KCNH7: variants seen among roughly 807,000 people sequenced by gnomAD.
The protein encoded by KCNH7 is potassium voltage-gated channel subfamily H member 7.
A neutral mutation model predicts 120.8 loss-of-function variants in KCNH7; 49 were observed. The observed-to-expected ratio is 0.41, with a 90% CI of 0.32 to 0.51. The LOEUF (loss-of-function observed/expected upper bound fraction) is 0.51. Ranked by LOEUF, KCNH7 falls within the 20% of genes least tolerant of loss-of-function variation. The pLI, the probability that KCNH7 is intolerant of heterozygous loss-of-function variation, is 0.38. For synonymous variants in KCNH7, 547 were observed against 516.1 expected, an observed-to-expected ratio of 1.06 and a Z score of -0.81; for missense variants, 1,097 against 1,446.6, an observed-to-expected ratio of 0.76 and a Z score of 3.92.
At chr2:162,488,540 CA>C (rs1290872513) in intron 6 of KCNH7, among the ~76,000 whole-genome samples, 2 of 152,042 alleles carry the variant, frequency 1.3e-5, no homozygotes, top group Non-Finnish European at 2.9e-5. Flanking sequence ...TTATCAAAAG[CA>C]GGCATCTTGT....
At chr2:162,675,753 G>A (rs1685511885) in intron 2 of KCNH7, among the ~76,000 whole-genome samples, 1 of 151,444 alleles carries the variant, frequency 6.6e-6, no homozygotes, top group Non-Finnish European at 1.5e-5. Flanking sequence ...CAGGTAGGGA[G>A]GACTACTTAA....
Position 162,781,259 on chromosome 2 carries a change from CAT to C in KCNH7, c.307+55276_307+55277del, listed in dbSNP as rs541391286. On this transcript the variant is annotated intron_variant, in intron 2 of 15. Coordinates refer to ENST00000332142, the MANE Select transcript of KCNH7 (RefSeq NM_033272.4). ...GCTCATCTCATCCCCATAAAAGCCT[CAT>C]TTGATAGCATCTATTATTATTAATT... is the stretch of plus-strand genomic sequence containing the variant. Among the ~76,000 whole-genome samples, 417 of 151,998 alleles carry C rather than the reference CAT, an allele frequency of 2.7e-3. 4 individuals are homozygous for C. The highest frequency in any genetic ancestry group is 9.3e-3 in the African/African-American group (385 of 41,506).
chr2:162,400,560 C>T (rs1687038859), intron 9 of KCNH7, 119 bp from the exon 10 acceptor site: 1 of 925,806 alleles, frequency 1.1e-6, no homozygotes, highest in East Asian at 2.5e-5. Context: ...GGAGTTCCTA[C>T]TACTCTTCTA....
chr2:162,777,959 A>T (rs960854327), intron 2 of KCNH7, among the ~76,000 whole-genome samples: 1 of 152,150 alleles, frequency 6.6e-6, no homozygotes, highest in Non-Finnish European at 1.5e-5. Flanking sequence ...TTTTTTAAAA[A>T]GGCTAACTTT....
At chr2:162,499,169 T>C (rs748868080) in intron 6 of KCNH7, among the ~76,000 whole-genome samples, 4 of 152,098 alleles carry the variant, frequency 2.6e-5, no homozygotes, top group Admixed American at 1.3e-4. Flanking sequence ...ATTGGCACAA[T>C]ATTTGAACTA....
intron 8 of KCNH7, among the ~76,000 whole-genome samples, chr2:162,425,143 G>C (rs1454021987): frequency 6.6e-6 from 1 of 152,044 alleles, no homozygotes; most frequent in Non-Finnish European, 1.5e-5. Flanking sequence ...CTTGCGCTCC[G>C]ACTCAGACTG....
intron 2 of KCNH7, among the ~76,000 whole-genome samples, chr2:162,592,876 T>G (rs1049965942): frequency 2.6e-5 from 4 of 152,120 alleles, no homozygotes; most frequent in Admixed American, 6.6e-5. Flanking sequence ...TGACATCCAC[T>G]AATCTACATC....
chr2:162,374,293 A>T (rs1004277700), intron 14 of KCNH7, among the ~76,000 whole-genome samples: 6 of 152,130 alleles, frequency 3.9e-5, no homozygotes, highest in Admixed American at 2.6e-4. Flanking sequence ...GCTTCTAATG[A>T]CCCATCTGGC....
chr2:162,660,670 G>T (rs1432384754), intron 2 of KCNH7, among the ~76,000 whole-genome samples: 1 of 152,050 alleles, frequency 6.6e-6, no homozygotes, highest in African/African-American at 2.4e-5. Flanking sequence ...TGGAATTTCT[G>T]CCTGTTAGAT....
At chr2:162,474,632 G>C (rs1044740531) in intron 6 of KCNH7, among the ~76,000 whole-genome samples, 1 of 152,224 alleles carries the variant, frequency 6.6e-6, no homozygotes, top group African/African-American at 2.4e-5. Flanking sequence ...TTGTAAAAAG[G>C]CTGTGGCTTC....
intron 2 of KCNH7, among the ~76,000 whole-genome samples, chr2:162,600,905 A>G (rs2105950964): frequency 6.6e-6 from 1 of 152,212 alleles, no homozygotes; most frequent in South Asian, 2.1e-4. Flanking sequence ...GATGCATTCT[A>G]TGCTTCATGG....
chr2:162,648,594 G>A (rs910215718), intron 2 of KCNH7, among the ~76,000 whole-genome samples: 1 of 152,024 alleles, frequency 6.6e-6, no homozygotes, highest in South Asian at 2.1e-4. Flanking sequence ...CTGTGCTTTT[G>A]CTTATGCTTT....
chr2:162,625,011 C>T (rs969940521), intron 2 of KCNH7, among the ~76,000 whole-genome samples: 1 of 151,226 alleles, frequency 6.6e-6, no homozygotes, highest in Non-Finnish European at 1.5e-5. Context: ...AATTCTCCTG[C>T]CTCAGCCTCC....
intron 2 of KCNH7, among the ~76,000 whole-genome samples, chr2:162,729,127 G>T (rs1289522213): frequency 6.7e-6 from 1 of 149,310 alleles, no homozygotes; most frequent in Non-Finnish European, 1.5e-5. Context: ...CTGTTTCATC[G>T]ATCTATATGA....
intron 2 of KCNH7, among the ~76,000 whole-genome samples, chr2:162,599,805 C>A (rs1283800868): frequency 6.6e-6 from 1 of 152,080 alleles, no homozygotes; most frequent in African/African-American, 2.4e-5. Flanking sequence ...AATTACTCTA[C>A]TTTTCTTAAT....
In KCNH7 at chr2:162,441,982, T is replaced by TTAAA. The variant is rs1429529211; in HGVS notation, c.1554+4032_1554+4035dup. On this transcript the variant is annotated intron_variant, in intron 7 of 15. Coordinates refer to ENST00000332142, the MANE Select transcript of KCNH7 (RefSeq NM_033272.4). The stretch of plus-strand genomic sequence containing the variant: ...GATTTGTAACCATGTGAGAAAAAAA[T>TTAAA]TAAATAGTTAGGTCTTCTTTTTTTT... Among the ~76,000 whole-genome samples, 5 of 129,558 alleles carry TTAAA rather than the reference T, an allele frequency of 3.9e-5. No individual in the cohort carries two copies. In the East Asian group the frequency reaches 1.0e-3, roughly 26 times the overall value. The allele number at this position is 129,558 out of a possible 152,430, so 85.0% of individuals were successfully genotyped here.
At chr2:162,747,115 A>G (rs1454076719) in intron 2 of KCNH7, among the ~76,000 whole-genome samples, 1 of 152,130 alleles carries the variant, frequency 6.6e-6, no homozygotes, top group Non-Finnish European at 1.5e-5. Context: ...TTAAACTTCA[A>G]CTCCAGACTG....
At chr2:162,782,156 T>C (rs541590665) in intron 2 of KCNH7, among the ~76,000 whole-genome samples, 3 of 152,338 alleles carry the variant, frequency 2.0e-5, no homozygotes, top group South Asian at 4.1e-4. Context: ...TCCACCCTCA[T>C]ATGCCATACA....
At chr2:162,679,297 A>G (rs1268971577) in intron 2 of KCNH7, among the ~76,000 whole-genome samples, 2 of 151,646 alleles carry the variant, frequency 1.3e-5, no homozygotes, top group Non-Finnish European at 3.0e-5. Context: ...AGAACTGTTC[A>G]ACAATTTTAA....
Sources: gnomAD v4.1 joint callset for allele counts (sites outside exome capture counted in the v4.1 genomes callset) on GRCh38, gnomAD v4.1.1 for gene constraint, MANE v1.5 for transcripts, NCBI Gene and HGNC (gene_info 2026-07-23, HGNC 2026-07-21) for gene names.